The following CCDC38 variants were observed in gnomAD, a reference collection of about 807,000 sequenced individuals.
CCDC38 encodes coiled-coil domain containing 38, also known as coiled-coil domain-containing protein 38.
A neutral mutation model predicts 72.8 loss-of-function variants in CCDC38; 69 were observed. That is an observed-to-expected ratio of 0.95 (90% CI 0.78 to 1.16). The LOEUF (loss-of-function observed/expected upper bound fraction) is 1.16, where lower values mean the gene tolerates loss of function less well. Among genes scored for constraint, CCDC38 ranks in the 50% most tolerant of loss-of-function variants. CCDC38 has a pLI of 0.00. For synonymous variants in CCDC38, 201 were observed against 213.2 expected (o/e 0.94, Z 0.50); for missense variants, 626 against 638.9 (o/e 0.98, Z 0.22).
chr12:95,882,127 A>T (rs975911067), intron 10 of CCDC38, among the ~76,000 whole-genome samples: 1 of 152,198 alleles, frequency 6.6e-6, no homozygotes, highest in African/African-American at 2.4e-5. Flanking sequence ...GCTCTGGAAA[A>T]ATCCTGTAAG....
intron 10 of CCDC38, among the ~76,000 whole-genome samples, chr12:95,887,619 G>A (rs180950427): frequency 1.3e-5 from 2 of 152,342 alleles, no homozygotes; most frequent in African/African-American, 2.4e-5. Flanking sequence ...AGAGGGAAGT[G>A]GGTGTGGCTC....
At chr12:95,884,097 A>C (rs929171264) in intron 10 of CCDC38, among the ~76,000 whole-genome samples, 5 of 152,228 alleles carry the variant, frequency 3.3e-5, no homozygotes, top group African/African-American at 9.6e-5. Context: ...CAATAAAGCA[A>C]GAAAAAGAGA....
chr12:95,936,256 G>A (rs1197810121), intron 2 of CCDC38, among the ~76,000 whole-genome samples: 1 of 152,182 alleles, frequency 6.6e-6, no homozygotes, highest in South Asian at 2.1e-4. Context: ...AGAGACTGGG[G>A]CAATCTGGCT....
intron 4 of CCDC38, among the ~76,000 whole-genome samples, chr12:95,916,386 T>C (rs2080144379): frequency 1.4e-5 from 2 of 144,818 alleles, no homozygotes; most frequent in South Asian, 4.2e-4. Context: ...CCTGCCTTCC[T>C]TCCTTCCTTC....
At chr12:95,912,797 T>G (rs993723572) in intron 4 of CCDC38, among the ~76,000 whole-genome samples, 1 of 152,188 alleles carries the variant, frequency 6.6e-6, no homozygotes. Context: ...CAGTGGCTCA[T>G]GACTGTAATC....
intron 8 of CCDC38, among the ~76,000 whole-genome samples, chr12:95,893,204 G>A (rs1439776943): frequency 1.3e-5 from 2 of 151,860 alleles, no homozygotes; most frequent in Non-Finnish European, 2.9e-5. Flanking sequence ...AAAACATGAC[G>A]TAGCTTTCTA....
chr12:95,930,702 C>A (rs2080328436), intron 2 of CCDC38, among the ~76,000 whole-genome samples: 1 of 152,148 alleles, frequency 6.6e-6, no homozygotes, highest in South Asian at 2.1e-4. Flanking sequence ...CCTTACAGCA[C>A]TCCATACCTG....
chr12:95,891,097 T>C (rs2121457295), intron 8 of CCDC38, among the ~76,000 whole-genome samples, 167 bp from the exon 9 acceptor site: 1 of 152,306 alleles, frequency 6.6e-6, no homozygotes, highest in African/African-American at 2.4e-5. Context: ...GATATGCAGA[T>C]AGTAATATGC....
At position 95,917,135 on chromosome 12, in the gene CCDC38, T is replaced by C. The variant is rs1424048217; in HGVS notation, c.298A>G (p.Ile100Val). ...GPGPAPIPRLIEGSDTKRTVH... is the reference protein window; with the variant it reads ...GPGPAPIPRLVEGSDTKRTVH... ...AAGAGTAATTTAGACTCACCTTCTA[T>C]TAATCTAGGAATCGGAGCAGGACCT... Residue 100 changes from isoleucine (I) to valine (V), a missense_variant, in exon 4 of 16, where the codon ATA becomes GTA. Transcript: ENST00000344280. 1 of 1,574,924 alleles carries C rather than the reference T, an allele frequency of 6.3e-7. No individual in the cohort carries two copies. Among genetic ancestry groups the C allele is most frequent in the East Asian group, 2.3e-5 (1 of 43,944 alleles).
At chr12:95,898,783 A>G (rs759970106) in intron 5 of CCDC38, 52 bp from the exon 6 acceptor site, 2 of 1,551,618 alleles carry the variant, frequency 1.3e-6, no homozygotes, top group Admixed American at 1.8e-5. Flanking sequence ...ATTTTTAGTA[A>G]TTTCAACAGT....
At chr12:95,914,684 C>A (rs900916411) in intron 4 of CCDC38, among the ~76,000 whole-genome samples, 2 of 152,150 alleles carry the variant, frequency 1.3e-5, no homozygotes, top group Non-Finnish European at 2.9e-5. Context: ...CTTAAAAATA[C>A]CTTTTTGGAA....
intron 4 of CCDC38, among the ~76,000 whole-genome samples, chr12:95,910,460 A>G (rs1421458452): frequency 6.6e-6 from 1 of 152,258 alleles, no homozygotes; most frequent in East Asian, 1.9e-4. Flanking sequence ...ATGGATTGGA[A>G]CAATCAATGT....
At chr12:95,941,767 G>C (rs1006690195) in intron 1 of CCDC38, among the ~76,000 whole-genome samples, 1 of 152,018 alleles carries the variant, frequency 6.6e-6, no homozygotes, top group Middle Eastern at 3.2e-3. Context: ...ATATATGTAT[G>C]TATAAACTTT....
At chr12:95,871,681 G>C (rs7977559) in intron 14 of CCDC38, among the ~76,000 whole-genome samples, 2 of 151,590 alleles carry the variant, frequency 1.3e-5, no homozygotes, top group South Asian at 2.1e-4. Flanking sequence ...AGGAATAAAT[G>C]AGTGAATGTT....
At chr12:95,870,938 T>C (rs1019952007) in intron 14 of CCDC38, among the ~76,000 whole-genome samples, 2 of 152,234 alleles carry the variant, frequency 1.3e-5, no homozygotes, top group Non-Finnish European at 2.9e-5. Context: ...CCTGTATTTA[T>C]CAGTATTACT....
chr12:95,872,070 T>C (rs894242990), intron 14 of CCDC38, among the ~76,000 whole-genome samples, 185 bp downstream of exon 14: 4 of 152,080 alleles, frequency 2.6e-5, no homozygotes, highest in African/African-American at 9.7e-5. Flanking sequence ...ATTTATTTCC[T>C]AAGAGTATTT....
chr12:95,881,644 C>T (rs779539739), intron 10 of CCDC38, 90 bp from the exon 11 acceptor site: 119 of 947,716 alleles, frequency 1.3e-4, no homozygotes, highest in Non-Finnish European at 1.8e-4. Context: ...GTCGTTGGAA[C>T]CCAACTGTAA....
chr12:95,908,146 C>T (rs949388565), intron 4 of CCDC38, among the ~76,000 whole-genome samples: 1 of 151,916 alleles, frequency 6.6e-6, no homozygotes, highest in East Asian at 2.0e-4. Context: ...GCCGAGATCA[C>T]GCCACTGCAC....
At chr12:95,908,794 G>C (rs903140764) in intron 4 of CCDC38, among the ~76,000 whole-genome samples, 1 of 151,720 alleles carries the variant, frequency 6.6e-6, no homozygotes, top group Non-Finnish European at 1.5e-5. Context: ...ACATACCAAA[G>C]CTCTTAGGCA....
Sources: allele counts gnomAD v4.1 joint callset (sites outside exome capture counted in the v4.1 genomes callset), GRCh38; gene constraint gnomAD v4.1.1; transcripts MANE v1.5; gene names NCBI Gene and HGNC (gene_info 2026-07-23, HGNC 2026-07-21).